Variants in PRKCB observed in about 807,000 individuals in gnomAD.
The protein encoded by PRKCB is protein kinase C beta type.
A neutral mutation model predicts 81.5 loss-of-function variants in PRKCB; 13 were observed. The ratio of observed to expected loss-of-function variants is 0.16; its 90% CI spans 0.10 to 0.25. The LOEUF (loss-of-function observed/expected upper bound fraction) is 0.25, where lower values mean the gene tolerates loss of function less well. PRKCB is among the 10% of genes least tolerant of loss of function. PRKCB has a pLI of 1.00. For missense variants in PRKCB, 509 were observed against 875.7 expected (o/e 0.58, Z 5.29); for synonymous variants, 335 against 321.4 (o/e 1.04, Z -0.45).
At chr16:23,916,220 A>ATTTTTT (rs10678336) in intron 2 of PRKCB, among the ~76,000 whole-genome samples, 1 of 112,882 alleles carries the variant, frequency 8.9e-6, no homozygotes, top group Non-Finnish European at 1.8e-5. Flanking sequence ...CATGTGGCTA[A>ATTTTTT]TTTTTTTTTT....
chr16:24,003,386 GTTT>G (rs35881842), intron 3 of PRKCB, among the ~76,000 whole-genome samples: 7 of 130,842 alleles, frequency 5.3e-5, no homozygotes, highest in African/African-American at 8.8e-5. Context: ...TCCTGCATTC[GTTT>G]TTTTTTTTTT....
chr16:24,194,716 C>T (rs1418552538), intron 16 of PRKCB, among the ~76,000 whole-genome samples: 6 of 152,180 alleles, frequency 3.9e-5, no homozygotes, highest in Non-Finnish European at 5.9e-5. Context: ...TCATTATCAA[C>T]GAGATCCCTC....
intron 3 of PRKCB, chr16:24,031,835 T>G: frequency 3.9e-6 from 1 of 257,088 alleles, no homozygotes; most frequent in Admixed American, 5.4e-5. Context: ...GAGTCCCTAC[T>G]ACAGGCAGGA....
At chr16:23,969,233 G>A (rs1964526652) in intron 2 of PRKCB, among the ~76,000 whole-genome samples, 1 of 152,148 alleles carries the variant, frequency 6.6e-6, no homozygotes, top group Non-Finnish European at 1.5e-5. Context: ...GGGAATGGTT[G>A]CATCTTCCAT....
At chr16:23,999,368 T>C (rs1345414443) in intron 3 of PRKCB, among the ~76,000 whole-genome samples, 1 of 152,224 alleles carries the variant, frequency 6.6e-6, no homozygotes, top group Non-Finnish European at 1.5e-5. Flanking sequence ...GGCAATATTA[T>C]GGATATTAGT....
intron 2 of PRKCB, among the ~76,000 whole-genome samples, chr16:23,900,089 C>A (rs1038245235): frequency 4.6e-5 from 7 of 152,084 alleles, no homozygotes; most frequent in African/African-American, 1.7e-4. Flanking sequence ...TTGTTTGTCA[C>A]AACTTGGGGT....
intron 2 of PRKCB, among the ~76,000 whole-genome samples, chr16:23,970,098 A>G (rs1964537289): frequency 6.6e-6 from 1 of 152,220 alleles, no homozygotes; most frequent in Admixed American, 6.5e-5. Flanking sequence ...TTCAAAGTGC[A>G]TGGAGGATGA....
At chr16:24,032,289 A>G in intron 4 of PRKCB, 42 bp downstream of exon 4, 1 of 1,403,040 alleles carries the variant, frequency 7.1e-7, no homozygotes, top group Non-Finnish European at 1.0e-6. Flanking sequence ...TGATGGCAGA[A>G]GCAATGGGAA....
At chr16:23,935,885 G>A (rs1964051417) in intron 2 of PRKCB, among the ~76,000 whole-genome samples, 1 of 152,116 alleles carries the variant, frequency 6.6e-6, no homozygotes, top group Non-Finnish European at 1.5e-5. Flanking sequence ...TTAGAGGGAG[G>A]GGTGGGTTTA....
At chr16:24,043,996 A>T (rs1965735693) in intron 5 of PRKCB, among the ~76,000 whole-genome samples, 1 of 152,208 alleles carries the variant, frequency 6.6e-6, no homozygotes, top group Admixed American at 6.5e-5. Context: ...TTTCTTTGAG[A>T]TGCAAAGAAA....
At chr16:23,869,702 G>A (rs186132227) in intron 2 of PRKCB, among the ~76,000 whole-genome samples, 4 of 151,934 alleles carry the variant, frequency 2.6e-5, no homozygotes, top group Admixed American at 1.3e-4. Context: ...TTTTATCATC[G>A]TATAAATAGA....
chr16:24,040,702 T>C (rs1035845548), intron 5 of PRKCB, among the ~76,000 whole-genome samples: 1 of 152,224 alleles, frequency 6.6e-6, no homozygotes, highest in Admixed American at 6.5e-5. Flanking sequence ...CTTTCACTGA[T>C]GGTCCCCAGA....
At chr16:23,873,884 A>T (rs1355681853) in intron 2 of PRKCB, among the ~76,000 whole-genome samples, 1 of 152,142 alleles carries the variant, frequency 6.6e-6, no homozygotes, top group Non-Finnish European at 1.5e-5. Context: ...GTCTCATGAA[A>T]ATTATTATTT....
chr16:23,984,192 T>C (rs1964772834), intron 2 of PRKCB, among the ~76,000 whole-genome samples: 1 of 152,150 alleles, frequency 6.6e-6, no homozygotes, highest in African/African-American at 2.4e-5. Flanking sequence ...AAAAGAACAG[T>C]GGATAATATT....
intron 14 of PRKCB, 95 bp from the exon 15 acceptor site, chr16:24,185,365 T>C: frequency 1.6e-6 from 2 of 1,281,146 alleles, no homozygotes; most frequent in Non-Finnish European, 2.2e-6. Context: ...GTGGCTTCAC[T>C]GTGGGCCCCA....
In PRKCB at chr16:23,892,292, G is replaced by A. The variant is rs567228017; in HGVS notation, c.205+54886G>A. Among the ~76,000 whole-genome samples, 33 of 152,172 alleles carry A rather than the reference G, an allele frequency of 2.2e-4. No homozygotes were observed. The South Asian group carries it at 2.5e-3, about 11-fold the overall frequency. On this transcript the variant is annotated intron_variant, in intron 2 of 16. Transcript: ENST00000643927. Reference sequence around the variant, plus strand: ...TGAAATAGCACCCCCTTTGCTCTTCGTGCTTTATGCCCTAGACTTTAAAGA... The same window carrying A: ...TGAAATAGCACCCCCTTTGCTCTTCATGCTTTATGCCCTAGACTTTAAAGA...
intron 2 of PRKCB, among the ~76,000 whole-genome samples, chr16:23,930,193 C>G (rs1308089926): frequency 2.0e-5 from 3 of 152,082 alleles, no homozygotes; most frequent in Non-Finnish European, 2.9e-5. Context: ...GAGCCAGTTT[C>G]TAATGCCCCA....
At chr16:23,952,258 C>T (rs1964293612) in intron 2 of PRKCB, among the ~76,000 whole-genome samples, 1 of 152,142 alleles carries the variant, frequency 6.6e-6, no homozygotes, top group Non-Finnish European at 1.5e-5. Flanking sequence ...GCAGAGAAGC[C>T]CCCCTCATTC....
intron 7 of PRKCB, chr16:24,099,543 A>G (rs1966478836): frequency 2.0e-5 from 3 of 152,264 alleles, no homozygotes; most frequent in African/African-American, 7.2e-5. Flanking sequence ...ACATAAATCA[A>G]TACATGGAGA....
Sources: allele counts gnomAD v4.1 joint callset (sites outside exome capture counted in the v4.1 genomes callset), GRCh38; gene constraint gnomAD v4.1.1; transcripts MANE v1.5; gene names NCBI Gene and HGNC (gene_info 2026-07-23, HGNC 2026-07-21).